Variants in NRG3 observed in about 807,000 individuals in gnomAD.
NRG3 encodes the protein pro-neuregulin-3, membrane-bound isoform.
A neutral mutation model predicts 66.9 loss-of-function variants in NRG3; 31 were observed. That is an observed-to-expected ratio of 0.46 (90% CI 0.35 to 0.63). The LOEUF is 0.63. Ranked by LOEUF, NRG3 falls within the 20% of genes least tolerant of loss-of-function variation. The probability of loss-of-function intolerance (pLI) is 0.00; values close to 1 mark genes in which losing one functional copy is unlikely to be tolerated. For synonymous variants in NRG3, 393 were observed against 359.4 expected (o/e 1.09, Z -1.06); for missense variants, 910 against 878.9 (o/e 1.04, Z -0.45).
intron 1 of NRG3, among the ~76,000 whole-genome samples, chr10:82,003,988 A>AAC (rs746699197): frequency 0.14 from 19,408 of 134,198 alleles, 1,400 homozygotes; most frequent in Middle Eastern, 0.22. Flanking sequence ...CCTGACTGAA[A>AAC]ACACACACAC....
chr10:82,144,829 A>G (rs2070126050), intron 1 of NRG3, among the ~76,000 whole-genome samples: 1 of 152,154 alleles, frequency 6.6e-6, no homozygotes, highest in African/African-American at 2.4e-5. Flanking sequence ...GAAGCATCTA[A>G]TGGTTTGTTG....
intron 2 of NRG3, among the ~76,000 whole-genome samples, chr10:82,525,607 G>A (rs536914228): frequency 1.5e-4 from 23 of 151,782 alleles, no homozygotes; most frequent in African/African-American, 5.1e-4. Context: ...AATTATTGCT[G>A]CAGATTTTTT....
At chr10:82,244,694 G>A (rs566672346) in intron 1 of NRG3, among the ~76,000 whole-genome samples, 10 of 151,980 alleles carry the variant, frequency 6.6e-5, no homozygotes, top group South Asian at 4.2e-4. Context: ...TACTGAGAGC[G>A]GGGGATGGTT....
chr10:81,918,974 AACACACACACACACACACACATACAT>A (rs1447847740), intron 1 of NRG3, among the ~76,000 whole-genome samples: 1 of 150,070 alleles, frequency 6.7e-6, no homozygotes, highest in Non-Finnish European at 1.5e-5. Flanking sequence ...ATCATAACAA[AACACACACACACACACACACATACAT>A]ACACACACAC....
At chr10:82,623,043 T>A (rs1373484649) in intron 2 of NRG3, among the ~76,000 whole-genome samples, 1 of 152,074 alleles carries the variant, frequency 6.6e-6, no homozygotes, top group Non-Finnish European at 1.5e-5. Context: ...GCCCATCATC[T>A]CTGCCAGATA....
At chr10:82,529,204 C>A (rs776748487) in intron 2 of NRG3, among the ~76,000 whole-genome samples, 2 of 152,144 alleles carry the variant, frequency 1.3e-5, no homozygotes, top group Non-Finnish European at 2.9e-5. Flanking sequence ...TTCTCAAATG[C>A]GACTAAGGAC....
chr10:82,418,742 A>G (rs1339766414), intron 2 of NRG3, among the ~76,000 whole-genome samples: 2 of 151,522 alleles, frequency 1.3e-5, no homozygotes, highest in East Asian at 2.0e-4. Flanking sequence ...CTAGTACAAT[A>G]CATGCCACCA....
chr10:82,114,425 A>C (rs1037583185), intron 1 of NRG3, among the ~76,000 whole-genome samples: 1 of 152,162 alleles, frequency 6.6e-6, no homozygotes, highest in Non-Finnish European at 1.5e-5. Context: ...TAAAAAATTC[A>C]AATTATTTTC....
intron 1 of NRG3, among the ~76,000 whole-genome samples, chr10:82,017,625 G>A (rs1156952368): frequency 5.3e-5 from 8 of 152,060 alleles, no homozygotes; most frequent in South Asian, 4.2e-4. Flanking sequence ...TTTAATGATC[G>A]CCATTCTAAC....
chr10:82,570,530 G>C (rs681795), intron 2 of NRG3, among the ~76,000 whole-genome samples: 12,074 of 151,584 alleles, frequency 0.08, 603 homozygotes, highest in East Asian at 0.15. Flanking sequence ...AATGAATAAA[G>C]AGTTTAGTAG....
At chr10:82,823,671 A>ACAGGTGT in intron 3 of NRG3, among the ~76,000 whole-genome samples, 1 of 152,082 alleles carries the variant, frequency 6.6e-6, no homozygotes, top group East Asian at 2.0e-4. Context: ...GAGAGCTGAC[A>ACAGGTGT]CAGGTGTCAG....
intron 1 of NRG3, among the ~76,000 whole-genome samples, chr10:82,353,529 G>T (rs377381604): frequency 6.6e-6 from 1 of 152,270 alleles, no homozygotes; most frequent in East Asian, 1.9e-4. Context: ...GATGTGGAAA[G>T]AATAGAAAAC....
At chr10:82,087,551 T>C (rs1162614489) in intron 1 of NRG3, among the ~76,000 whole-genome samples, 2 of 152,130 alleles carry the variant, frequency 1.3e-5, no homozygotes, top group East Asian at 3.9e-4. Context: ...ACCATGTGTG[T>C]TTAATTTGTT....
At chr10:82,787,420 A>G (rs775279088) in intron 3 of NRG3, among the ~76,000 whole-genome samples, 65 of 152,194 alleles carry the variant, frequency 4.3e-4, no homozygotes, top group Non-Finnish European at 8.2e-4. Flanking sequence ...GAAGAAAAGA[A>G]CAATTATAAT....
chr10:82,901,423 T>G (rs1412105542), intron 4 of NRG3, among the ~76,000 whole-genome samples: 1 of 152,010 alleles, frequency 6.6e-6, no homozygotes, highest in Non-Finnish European at 1.5e-5. Flanking sequence ...GAATATGGAT[T>G]ATGAAGGGAC....
chr10:82,396,500 G>A (rs1430974222), intron 2 of NRG3, among the ~76,000 whole-genome samples: 1 of 152,044 alleles, frequency 6.6e-6, no homozygotes, highest in African/African-American at 2.4e-5. Context: ...TTTATCCCTG[G>A]GGGAAAAGGG....
At chr10:81,937,586 A>AT (rs1055632995) in intron 1 of NRG3, among the ~76,000 whole-genome samples, 56 of 152,108 alleles carry the variant, frequency 3.7e-4, no homozygotes, top group Admixed American at 8.5e-4. Context: ...TTGTTTGCAC[A>AT]TTTTTTATGG....
At chr10:82,879,466 A>C (rs1194459939) in intron 4 of NRG3, among the ~76,000 whole-genome samples, 2 of 104,740 alleles carry the variant, frequency 1.9e-5, no homozygotes, top group African/African-American at 8.6e-5. Flanking sequence ...TCTAATGAAG[A>C]CTTTTTTTTT....
At chr10:82,605,517 T>TA (rs1284808943) in intron 2 of NRG3, among the ~76,000 whole-genome samples, 45 of 152,064 alleles carry the variant, frequency 3.0e-4, no homozygotes, top group African/African-American at 1.1e-3. Context: ...TTGTAAGAAA[T>TA]ATTAGTTCAT....
Sources: gnomAD v4.1 joint callset for allele counts (sites outside exome capture counted in the v4.1 genomes callset) on GRCh38, gnomAD v4.1.1 for gene constraint, MANE v1.5 for transcripts, NCBI Gene and HGNC (gene_info 2026-07-23, HGNC 2026-07-21) for gene names.